The following IRAK1BP1 variants were observed in gnomAD, a reference collection of about 807,000 sequenced individuals.
The protein encoded by IRAK1BP1 is interleukin 1 receptor associated kinase 1 binding protein 1.
IRAK1BP1 carries 24 observed loss-of-function variants against 28.0 expected under a neutral mutation model. The ratio of observed to expected loss-of-function variants is 0.86; its 90% CI spans 0.62 to 1.20. The LOEUF (loss-of-function observed/expected upper bound fraction) is 1.20. IRAK1BP1 is among the 50% of genes most tolerant of loss of function. The pLI is 0.00. For synonymous variants in IRAK1BP1, 131 were observed against 116.3 expected, an observed-to-expected ratio of 1.13 and a Z score of -0.81; for missense variants, 336 against 316.7, an observed-to-expected ratio of 1.06 and a Z score of -0.46.
exon 5 of IRAK1BP1, chr6:78,946,152 C>T (rs773943769): frequency 1.2e-6 from 2 of 1,614,084 alleles, no homozygotes; most frequent in Non-Finnish European, 1.7e-6. Flanking sequence ...TACCGTTTAT[C>T]TGAGCAGCAT....
chr6:78,932,627 C>G (rs1307581708), intron 4 of IRAK1BP1, among the ~76,000 whole-genome samples: 6 of 152,026 alleles, frequency 3.9e-5, no homozygotes, highest in Non-Finnish European at 8.8e-5. Flanking sequence ...CCACGTTGGC[C>G]AGGCTGGTCT....
chr6:78,872,664 C>T (rs1002765053), intron 1 of IRAK1BP1, among the ~76,000 whole-genome samples: 1 of 152,090 alleles, frequency 6.6e-6, no homozygotes, highest in Non-Finnish European at 1.5e-5. Context: ...TTTGGATTTT[C>T]GGATTAGGGA....
At chr6:78,891,732 G>A (rs1771671586) in intron 2 of IRAK1BP1, among the ~76,000 whole-genome samples, 1 of 152,164 alleles carries the variant, frequency 6.6e-6, no homozygotes. Flanking sequence ...AAAGTGTTGG[G>A]ATTACAGGCG....
chr6:78,936,376 C>T (rs1377210683), intron 4 of IRAK1BP1: 1 of 151,880 alleles, frequency 6.6e-6, no homozygotes, highest in African/African-American at 2.4e-5. Context: ...CCCCTGTCTT[C>T]TTGCAGTTTT....
intron 2 of IRAK1BP1, among the ~76,000 whole-genome samples, chr6:78,890,057 T>A (rs912997309): frequency 2.0e-5 from 3 of 152,148 alleles, no homozygotes; most frequent in African/African-American, 7.2e-5. Context: ...TAAGAAAATA[T>A]GGCACATATA....
At chr6:78,925,874 A>T (rs1210172736) in intron 4 of IRAK1BP1, among the ~76,000 whole-genome samples, 1 of 152,182 alleles carries the variant, frequency 6.6e-6, no homozygotes, top group Non-Finnish European at 1.5e-5. Context: ...AAAGAACAAA[A>T]TTATGTCCTT....
At chr6:78,968,887 T>C in the IRAK1BP1 span, among the ~76,000 whole-genome samples, 1 of 152,218 alleles carries the variant, frequency 6.6e-6, no homozygotes, top group Non-Finnish European at 1.5e-5. Context: ...TTCCAATTTT[T>C]TCCCCCTGAA....
intron 1 of IRAK1BP1, among the ~76,000 whole-genome samples, chr6:78,882,422 T>C (rs1270568044): frequency 6.6e-6 from 1 of 152,170 alleles, no homozygotes; most frequent in Admixed American, 6.5e-5. Flanking sequence ...ATAGTAACTT[T>C]ACAGTGGAGG....
chr6:78,874,126 A>G (rs1178541836), intron 1 of IRAK1BP1, among the ~76,000 whole-genome samples: 1 of 152,226 alleles, frequency 6.6e-6, no homozygotes, highest in Non-Finnish European at 1.5e-5. Context: ...AAGAAAAACA[A>G]TAGTCTTTGT....
intron 4 of IRAK1BP1, among the ~76,000 whole-genome samples, chr6:78,927,134 A>T (rs145734979): frequency 6.6e-6 from 1 of 152,090 alleles, no homozygotes; most frequent in Admixed American, 6.6e-5. Context: ...ACTATTCTCC[A>T]TAGTGGTTAT....
At chr6:78,926,134 C>T (rs912482587) in intron 4 of IRAK1BP1, among the ~76,000 whole-genome samples, 1 of 152,068 alleles carries the variant, frequency 6.6e-6, no homozygotes, top group African/African-American at 2.4e-5. Context: ...ACATCTCACA[C>T]CAGTCAGAAT....
intron 2 of IRAK1BP1, 60 bp downstream of exon 2, chr6:78,885,503 C>T: frequency 1.3e-6 from 1 of 784,202 alleles, no homozygotes; most frequent in Admixed American, 2.7e-5. Context: ...CATTTTTATT[C>T]TTGAACTGAA....
At chr6:78,967,055 A>G in the IRAK1BP1 span, among the ~76,000 whole-genome samples, 1 of 152,228 alleles carries the variant, frequency 6.6e-6, no homozygotes, top group African/African-American at 2.4e-5. Flanking sequence ...TTAGCAATTA[A>G]TCTGAATCAG....
chr6:78,908,137 G>A (rs904592872), intron 4 of IRAK1BP1, among the ~76,000 whole-genome samples: 2 of 151,270 alleles, frequency 1.3e-5, no homozygotes, highest in Non-Finnish European at 1.5e-5. Context: ...TGCCACCTCT[G>A]CCTCCCGGGT....
the IRAK1BP1 span, chr6:78,955,489 T>G: frequency 3.6e-6 from 2 of 553,330 alleles, no homozygotes; most frequent in Non-Finnish European, 6.3e-6. Flanking sequence ...TTGTTTTTTT[T>G]TTTTAAATTA....
At position 78,899,241 on chromosome 6, in the gene IRAK1BP1, C is replaced by G. The variant is rs1024244189; in HGVS notation, c.*907C>G. 11 of 152,140 alleles carry G rather than the reference C, an allele frequency of 7.2e-5. No individual in the cohort carries two copies. The highest frequency in any genetic ancestry group is 1.0e-4 in the Non-Finnish European group (7 of 68,030). The allele number at this position is 152,140 out of a possible 1,614,324, so 9.4% of individuals were successfully genotyped here. On this transcript the variant is annotated 3_prime_UTR_variant, in exon 4 of 4. Coordinates refer to ENST00000369940, the MANE Select transcript of IRAK1BP1 (RefSeq NM_001010844.4). ...AGAAATGGCCCAGGTAAAGAACAGC[C>G]AAGGTCTTTCATGCTTGCCACACCC...
chr6:78,876,458 A>G (rs1771006939), intron 1 of IRAK1BP1, among the ~76,000 whole-genome samples: 1 of 152,196 alleles, frequency 6.6e-6, no homozygotes, highest in South Asian at 2.1e-4. Flanking sequence ...TGCCTTTTGT[A>G]TTTAGAAATA....
chr6:78,918,155 G>C (rs1772610335), intron 4 of IRAK1BP1, among the ~76,000 whole-genome samples: 1 of 152,044 alleles, frequency 6.6e-6, no homozygotes, highest in South Asian at 2.1e-4. Flanking sequence ...AAATTAGCTG[G>C]GTATGGTGGC....
rs1002549743 is a variant in IRAK1BP1, at chr6:78,899,444, G to T, written c.*1110G>T. Reference sequence around the variant, plus strand: ...TAGCTTTTTACAAAAGAATAATGAGGTATAATAGGAAAATGTTTTGATGCC... The same window carrying T: ...TAGCTTTTTACAAAAGAATAATGAGTTATAATAGGAAAATGTTTTGATGCC... On this transcript the variant is annotated 3_prime_UTR_variant, in exon 4 of 4. Coordinates refer to ENST00000369940, the MANE Select transcript of IRAK1BP1 (RefSeq NM_001010844.4). 5 of 152,166 alleles carry T rather than the reference G, an allele frequency of 3.3e-5. No homozygotes were observed. Among genetic ancestry groups the T allele is most frequent in the Non-Finnish European group, 2.9e-5 (2 of 68,030 alleles). 9.4% of individuals were successfully genotyped at this position (152,166 alleles called of 1,614,324 possible).
Sources: gnomAD v4.1 joint callset for allele counts (sites outside exome capture counted in the v4.1 genomes callset) on GRCh38, gnomAD v4.1.1 for gene constraint, MANE v1.5 for transcripts, NCBI Gene and HGNC (gene_info 2026-07-23, HGNC 2026-07-21) for gene names.